Variants in GREB1L observed in about 807,000 individuals in gnomAD.
GREB1L encodes the protein GREB1-like protein.
Under a neutral mutation model 200.8 loss-of-function variants are expected in GREB1L, and 17 were observed. The ratio of observed to expected loss-of-function variants is 0.08; its 90% confidence interval spans 0.06 to 0.13. The LOEUF is 0.13. GREB1L is among the 10% of genes least tolerant of loss of function. The pLI is 1.00. For synonymous variants in GREB1L, 789 were observed against 893.0 expected (o/e 0.88, Z 2.08); for missense variants, 1,657 against 2,367.7 (o/e 0.70, Z 6.23).
chr18:21,320,303 A>T (rs753917876), intron 1 of GREB1L, among the ~76,000 whole-genome samples: 12 of 152,224 alleles, frequency 7.9e-5, no homozygotes, highest in Admixed American at 2.0e-4. Context: ...AGAAATTGTC[A>T]CCAAATAAGC....
chr18:21,470,594 T>C (rs1287366129), intron 15 of GREB1L, among the ~76,000 whole-genome samples: 1 of 152,222 alleles, frequency 6.6e-6, no homozygotes, highest in Non-Finnish European at 1.5e-5. Flanking sequence ...TAAATTCTTA[T>C]TGATTCATCC....
chr18:21,381,641 G>A (rs1373946577), intron 2 of GREB1L, among the ~76,000 whole-genome samples: 4 of 152,098 alleles, frequency 2.6e-5, no homozygotes, highest in Non-Finnish European at 5.9e-5. Flanking sequence ...CACACATCCT[G>A]CAGATTCTGG....
At chr18:21,457,039 T>C (rs541271969) in intron 15 of GREB1L, among the ~76,000 whole-genome samples, 2 of 152,334 alleles carry the variant, frequency 1.3e-5, no homozygotes, top group Non-Finnish European at 2.9e-5. Flanking sequence ...CTGTTTGAAG[T>C]GACGAAATCA....
At chr18:21,492,355 A>G (rs2036376653) in intron 19 of GREB1L, among the ~76,000 whole-genome samples, 1 of 151,920 alleles carries the variant, frequency 6.6e-6, no homozygotes, top group South Asian at 2.1e-4. Flanking sequence ...CAAAAAAAAA[A>G]GAAAGAAAAA....
chr18:21,286,302 A>G (rs1373920360), intron 1 of GREB1L, among the ~76,000 whole-genome samples: 1 of 152,212 alleles, frequency 6.6e-6, no homozygotes, highest in Non-Finnish European at 1.5e-5. Flanking sequence ...CAGGGGTAAC[A>G]GGAGATGATT....
rs537345936 is a variant in GREB1L, at chr18:21,417,164, A to G, written c.832+13170A>G. Among the ~76,000 whole-genome samples the G allele has an allele frequency of 7.2e-3, 1,094 of 152,338 alleles. 9 individuals carry two copies. Among genetic ancestry groups the G allele is most frequent in the Non-Finnish European group, 0.011 (741 of 68,034 alleles). On this transcript the variant is annotated intron_variant, in intron 7 of 32. Coordinates refer to ENST00000424526, the MANE Select transcript of GREB1L (RefSeq NM_001142966.3). ...AGCCTGACATCAGATTTCTCATGGG[A>G]AACAATATAAATGAGAAGACAGAGC... is the stretch of plus-strand genomic sequence containing the variant.
intron 4 of GREB1L, among the ~76,000 whole-genome samples, chr18:21,385,369 G>C (rs1263577501): frequency 6.7e-6 from 1 of 150,322 alleles, no homozygotes; most frequent in Non-Finnish European, 1.5e-5. Context: ...ATTTTCTCTT[G>C]ACTTTTTTTT....
intron 27 of GREB1L, among the ~76,000 whole-genome samples, chr18:21,511,959 T>C (rs1048264589): frequency 2.0e-5 from 3 of 152,198 alleles, no homozygotes; most frequent in Non-Finnish European, 4.4e-5. Flanking sequence ...ACTGTGTTTG[T>C]TGACAAGACC....
intron 1 of GREB1L, among the ~76,000 whole-genome samples, chr18:21,329,367 A>G (rs893379877): frequency 5.9e-5 from 9 of 151,412 alleles, no homozygotes; most frequent in African/African-American, 1.7e-4. Context: ...CCATATTACA[A>G]TTGACCCTTG....
intron 2 of GREB1L, among the ~76,000 whole-genome samples, chr18:21,372,399 G>A (rs1365918490): frequency 1.3e-5 from 2 of 151,888 alleles, no homozygotes; most frequent in Admixed American, 6.6e-5. Context: ...ACCTGCCTCA[G>A]CCTCCCAAAG....
At chr18:21,372,643 C>T (rs557257484) in intron 2 of GREB1L, among the ~76,000 whole-genome samples, 7 of 152,050 alleles carry the variant, frequency 4.6e-5, no homozygotes, top group South Asian at 2.1e-4. Context: ...AGATTTTTGC[C>T]GGGTGCGGTG....
chr18:21,388,793 G>T (rs1319409416), intron 4 of GREB1L, among the ~76,000 whole-genome samples: 1 of 151,806 alleles, frequency 6.6e-6, no homozygotes. Context: ...TGTTTTTGAT[G>T]ACCTTGGCCG....
intron 7 of GREB1L, among the ~76,000 whole-genome samples, chr18:21,416,429 C>A (rs1394056100): frequency 6.6e-6 from 1 of 152,072 alleles, no homozygotes; most frequent in African/African-American, 2.4e-5. Context: ...CCAAGACATT[C>A]AGTGAACCCC....
intron 1 of GREB1L, among the ~76,000 whole-genome samples, chr18:21,346,781 C>T (rs374881801): frequency 6.6e-6 from 1 of 152,180 alleles, no homozygotes; most frequent in Non-Finnish European, 1.5e-5. Flanking sequence ...GGTCCTGTCT[C>T]GTGCTTCTGC....
At position 21,459,409 on chromosome 18, in the gene GREB1L, C is replaced by T. The variant is rs1056266507; in HGVS notation, c.2182+4846C>T. ...CAAGTGATTCTCCTGCCCCAGCCTT[C>T]CGAGTAGCTTGGATTACAGGCGCCC... On this transcript the variant is annotated intron_variant, in intron 15 of 32. Coordinates refer to ENST00000424526, the MANE Select transcript of GREB1L (RefSeq NM_001142966.3). 4.6e-5 allele frequency among the ~76,000 whole-genome samples: 7 copies of T among 150,860 alleles called. No individual in the cohort carries two copies. In the Admixed American group the frequency reaches 4.6e-4, roughly 10 times the overall value.
chr18:21,418,423 A>G (rs896051618), intron 7 of GREB1L, among the ~76,000 whole-genome samples: 1 of 152,222 alleles, frequency 6.6e-6, no homozygotes, highest in African/African-American at 2.4e-5. Context: ...AATACAATGT[A>G]AATGTTATAT....
chr18:21,267,151 C>T (rs2037982395), intron 1 of GREB1L, among the ~76,000 whole-genome samples: 1 of 147,568 alleles, frequency 6.8e-6, no homozygotes, highest in Admixed American at 6.8e-5. Context: ...CCAGGCTGGT[C>T]TCAAACTCCT....
intron 7 of GREB1L, among the ~76,000 whole-genome samples, chr18:21,412,243 A>G (rs2031131372): frequency 7.7e-6 from 1 of 129,068 alleles, no homozygotes; most frequent in Non-Finnish European, 1.5e-5. Flanking sequence ...TCTACAAAAA[A>G]TACAAAAAAA....
chr18:21,401,428 T>C, intron 6 of GREB1L, 102 bp downstream of exon 6: 1 of 1,008,086 alleles, frequency 9.9e-7, no homozygotes, highest in Non-Finnish European at 1.4e-6. Flanking sequence ...CAGATAAATA[T>C]CCTAAGTTCA....
Sources: allele counts gnomAD v4.1 joint callset (sites outside exome capture counted in the v4.1 genomes callset), GRCh38; gene constraint gnomAD v4.1.1; transcripts MANE v1.5; gene names NCBI Gene and HGNC (gene_info 2026-07-23, HGNC 2026-07-21).